PKP4: variants seen among roughly 807,000 people sequenced by gnomAD.
The protein encoded by PKP4 is plakophilin 4.
In PKP4, 90 loss-of-function variants were observed where a neutral mutation model predicts 145.1. The observed-to-expected ratio is 0.62, with a 90% CI of 0.52 to 0.74. The LOEUF (loss-of-function observed/expected upper bound fraction) is 0.74, where lower values mean the gene tolerates loss of function less well. Among genes scored for constraint, PKP4 ranks in the 30% least tolerant of loss-of-function variants. PKP4 has a pLI of 0.00. For missense variants in PKP4, 1,340 were observed against 1,482.7 expected, an observed-to-expected ratio of 0.90 and a Z score of 1.58; for synonymous variants, 563 against 577.2, an observed-to-expected ratio of 0.98 and a Z score of 0.35.
At chr2:158,557,436 C>T (rs1440510751) in intron 2 of PKP4, among the ~76,000 whole-genome samples, 1 of 152,046 alleles carries the variant, frequency 6.6e-6, no homozygotes, top group Non-Finnish European at 1.5e-5. Flanking sequence ...ATATACTGTC[C>T]TGAATTATAT....
chr2:158,622,857 C>T (rs1031132991), intron 6 of PKP4, among the ~76,000 whole-genome samples: 1 of 152,102 alleles, frequency 6.6e-6, no homozygotes, highest in African/African-American at 2.4e-5. Flanking sequence ...GGAGTTCATC[C>T]GCTTAGGTGA....
At chr2:158,664,840 T>C (rs908010759) in intron 15 of PKP4, among the ~76,000 whole-genome samples, 1 of 152,240 alleles carries the variant, frequency 6.6e-6, no homozygotes, top group East Asian at 1.9e-4. Flanking sequence ...AAAGTGGTTA[T>C]GAGGATTTAG....
intron 1 of PKP4, among the ~76,000 whole-genome samples, chr2:158,532,833 T>A (rs1447713150): frequency 6.6e-6 from 1 of 152,236 alleles, no homozygotes; most frequent in Non-Finnish European, 1.5e-5. Context: ...TTTTTAAGCC[T>A]TCTTTAGGTT....
rs1035775439 is a variant in PKP4, at chr2:158,663,017, A to G, written c.2332A>G (p.Ser778Gly). The part of the protein sequence containing the change: ...LDDLLGKESP[S>G]KDSEPSCWGK... ...TGACTTACTAGGAAAAGAGTCTCCCAGCAAAGACTCTGAGCCAAGTTGCTG... is the reference window on the plus strand; with the variant it reads ...TGACTTACTAGGAAAAGAGTCTCCCGGCAAAGACTCTGAGCCAAGTTGCTG... The change falls in exon 14 of 22, where the codon AGC becomes GGC. Residue 778 changes from serine to glycine, a missense_variant. Transcript: ENST00000389759. 6.2e-7 allele frequency: 1 copy of G among 1,614,144 alleles called. No individual in the cohort carries two copies. Among genetic ancestry groups the G allele is most frequent in the African/African-American group, 1.3e-5 (1 of 75,052 alleles).
intron 1 of PKP4, chr2:158,457,761 T>G (rs1202423804): frequency 6.5e-6 from 1 of 153,844 alleles, no homozygotes; most frequent in East Asian, 1.9e-4. Context: ...GTCTTGCGTT[T>G]GTCCCCGAAG....
At chr2:158,482,430 C>T (rs896727942) in intron 1 of PKP4, among the ~76,000 whole-genome samples, 5 of 152,172 alleles carry the variant, frequency 3.3e-5, no homozygotes, top group Admixed American at 2.6e-4. Context: ...ATTATAGGCA[C>T]ATACCACCGC....
intron 3 of PKP4, among the ~76,000 whole-genome samples, chr2:158,587,992 T>A (rs1299594508): frequency 6.6e-6 from 1 of 152,074 alleles, no homozygotes; most frequent in Non-Finnish European, 1.5e-5. Context: ...TTTTTTCCAT[T>A]TGAGATCCAG....
rs59676744 is a variant in PKP4, at chr2:158,567,843, A to G, written c.133-9428A>G. Among the ~76,000 whole-genome samples the G allele has an allele frequency of 6.9e-3, 1,049 of 152,370 alleles. 17 individuals carry two copies. Among genetic ancestry groups the G allele is most frequent in the African/African-American group, 0.024 (998 of 41,586 alleles). Reference sequence around the variant, plus strand: ...GAATAGTGAGGAAGGAAATGGATTCAGCCTATGCTAAAGATGTGAACTGAC... The same window carrying G: ...GAATAGTGAGGAAGGAAATGGATTCGGCCTATGCTAAAGATGTGAACTGAC... On this transcript the variant is annotated intron_variant, in intron 2 of 21. Transcript: ENST00000389759.
At chr2:158,597,477 T>TTACCTA (rs1237648383) in intron 3 of PKP4, among the ~76,000 whole-genome samples, 1 of 152,130 alleles carries the variant, frequency 6.6e-6, no homozygotes, top group Admixed American at 6.5e-5. Flanking sequence ...AATACTATGG[T>TTACCTA]TACAATGTGA....
chr2:158,526,123 A>AAG (rs1176523689), intron 1 of PKP4, among the ~76,000 whole-genome samples: 2 of 149,436 alleles, frequency 1.3e-5, no homozygotes, highest in African/African-American at 5.0e-5. Context: ...AATCCTCCCT[A>AAG]ACTCATTTTA....
In PKP4 at chr2:158,661,359, C is replaced by T. The variant is rs140419507; in HGVS notation, c.2120C>T (p.Ala707Val). 1.5e-3 allele frequency: 2,484 copies of T among 1,613,760 alleles called. 2 individuals carry two copies. Among genetic ancestry groups the T allele is most frequent in the Non-Finnish European group, 2.0e-3 (2,357 of 1,179,720 alleles). ...AACCTCAGCTCCGCGGGGGAAGAAG[C>T]TCGGAAGCAAATGCGGTCCTGCGAG... ...LRNLSSAGEE[A>V]RKQMRSCEGL... Residue 707 changes from alanine (A) to valine (V), a missense_variant, in exon 13 of 22, where the codon GCT becomes GTT. Ala to Val is a moderately conservative substitution (Grantham distance 64). Coordinates refer to ENST00000389759, the MANE Select transcript of PKP4 (RefSeq NM_003628.6).
At chr2:158,512,558 G>C (rs1434895878) in intron 1 of PKP4, among the ~76,000 whole-genome samples, 1 of 152,194 alleles carries the variant, frequency 6.6e-6, no homozygotes, top group Non-Finnish European at 1.5e-5. Flanking sequence ...CTGTCCCACT[G>C]TACACTTGTG....
At chr2:158,596,622 C>G (rs1431326890) in intron 3 of PKP4, among the ~76,000 whole-genome samples, 1 of 120,968 alleles carries the variant, frequency 8.3e-6, no homozygotes, top group South Asian at 3.6e-4. Flanking sequence ...GAGACCTTGT[C>G]TCTTTAAAAA....
chr2:158,654,344 A>G (rs7569540), intron 11 of PKP4, among the ~76,000 whole-genome samples: 1 of 151,282 alleles, frequency 6.6e-6, no homozygotes, highest in Non-Finnish European at 1.5e-5. Flanking sequence ...AACTGTAAAC[A>G]TTTTTTTTTG....
At chr2:158,496,357 T>C (rs1219400558) in intron 1 of PKP4, among the ~76,000 whole-genome samples, 1 of 152,224 alleles carries the variant, frequency 6.6e-6, no homozygotes, top group Non-Finnish European at 1.5e-5. Flanking sequence ...TTTTCTTTTT[T>C]AGCAGTGTAT....
chr2:158,558,564 G>A (rs766918359), intron 2 of PKP4, among the ~76,000 whole-genome samples: 3 of 152,112 alleles, frequency 2.0e-5, no homozygotes, highest in Admixed American at 6.6e-5. Context: ...CCAAGAAATG[G>A]TTAGTAACCT....
chr2:158,537,333 T>A (rs2044135481), intron 2 of PKP4, among the ~76,000 whole-genome samples: 1 of 152,252 alleles, frequency 6.6e-6, no homozygotes, highest in Non-Finnish European at 1.5e-5. Context: ...ATCTCCCGTC[T>A]GTCCAATTTA....
intron 2 of PKP4, among the ~76,000 whole-genome samples, chr2:158,552,865 G>A (rs539615979): frequency 3.3e-5 from 5 of 152,244 alleles, no homozygotes; most frequent in African/African-American, 1.2e-4. Context: ...AAATGCTAGT[G>A]AAATAAGCAC....
chr2:158,463,821 C>T (rs777836363), intron 1 of PKP4, among the ~76,000 whole-genome samples: 4 of 152,154 alleles, frequency 2.6e-5, no homozygotes, highest in African/African-American at 7.2e-5. Context: ...ATTCTCAGCT[C>T]CTGAAAATAT....
Sources: gnomAD v4.1 joint callset for allele counts (sites outside exome capture counted in the v4.1 genomes callset) on GRCh38, gnomAD v4.1.1 for gene constraint, MANE v1.5 for transcripts, NCBI Gene and HGNC (gene_info 2026-07-23, HGNC 2026-07-21) for gene names.